NR2F1-AS1: variants seen among roughly 807,000 people sequenced by gnomAD.
NR2F1-AS1 encodes the protein NR2F1 antisense RNA 1.
chr5:93,580,723 ATAGAAAGGTTTTCT>A (rs914648291), exon 1 of NR2F1-AS1: 3 of 152,514 alleles, frequency 2.0e-5, no homozygotes, highest in African/African-American at 7.2e-5. Context: ...GAATCTGTAC[ATAGAAAGGTTTTCT>A]TTTCTTTCTT....
At chr5:93,499,257 T>G (rs1751026840) in intron 4 of NR2F1-AS1, among the ~76,000 whole-genome samples, 2 of 152,208 alleles carry the variant, frequency 1.3e-5, no homozygotes, top group African/African-American at 4.8e-5. Context: ...GTGACAGAAG[T>G]ACAGGCATAT....
chr5:93,483,287 C>T (rs1263339333), intron 4 of NR2F1-AS1, among the ~76,000 whole-genome samples: 1 of 152,210 alleles, frequency 6.6e-6, no homozygotes, highest in African/African-American at 2.4e-5. Flanking sequence ...GAAGCCTCTG[C>T]TGGTGATCCA....
chr5:93,519,685 C>T (rs1751465500), intron 4 of NR2F1-AS1, among the ~76,000 whole-genome samples: 1 of 151,968 alleles, frequency 6.6e-6, no homozygotes, highest in South Asian at 2.1e-4. Context: ...ATGTCTGCTG[C>T]TATTGCCCAG....
intron 4 of NR2F1-AS1, among the ~76,000 whole-genome samples, chr5:93,478,661 CA>C (rs1471377861): frequency 3.9e-5 from 6 of 152,148 alleles, no homozygotes; most frequent in Admixed American, 3.3e-4. Context: ...CTCAGCCTAC[CA>C]AAGTGCTGGA....
chr5:93,500,112 T>G (rs889225235), intron 4 of NR2F1-AS1, among the ~76,000 whole-genome samples: 1 of 152,224 alleles, frequency 6.6e-6, no homozygotes, highest in Non-Finnish European at 1.5e-5. Flanking sequence ...AAGATCTAGC[T>G]AAGATCACTG....
intron 4 of NR2F1-AS1, among the ~76,000 whole-genome samples, chr5:93,490,262 G>A (rs1436839400): frequency 1.3e-5 from 2 of 152,132 alleles, no homozygotes; most frequent in African/African-American, 2.4e-5. Context: ...TGTTTTTTGA[G>A]CTTTCCCTAA....
chr5:93,487,247 A>G (rs114535454), intron 4 of NR2F1-AS1, among the ~76,000 whole-genome samples: 3,279 of 152,148 alleles, frequency 0.022, 108 homozygotes, highest in African/African-American at 0.075. Context: ...TTCTGGCCGC[A>G]GCAATCAAGA....
At chr5:93,577,937 T>C (rs962661557) in intron 1 of NR2F1-AS1, among the ~76,000 whole-genome samples, 1 of 152,200 alleles carries the variant, frequency 6.6e-6, no homozygotes, top group Non-Finnish European at 1.5e-5. Context: ...TCTGATCATT[T>C]GTAGGGTCCC....
chr5:93,478,691 C>T (rs370207035), intron 4 of NR2F1-AS1, among the ~76,000 whole-genome samples: 6 of 152,236 alleles, frequency 3.9e-5, no homozygotes, highest in East Asian at 1.9e-4. Context: ...TGTGAGCCAC[C>T]GCGCCCAGCC....
At chr5:93,533,738 G>C (rs1348349779) in intron 4 of NR2F1-AS1, among the ~76,000 whole-genome samples, 2 of 152,160 alleles carry the variant, frequency 1.3e-5, no homozygotes, top group African/African-American at 2.4e-5. Context: ...TTTTACAGAA[G>C]AGGAAGGTAA....
upstream of NR2F1-AS1, among the ~76,000 whole-genome samples, chr5:93,581,756 CT>C (rs1753065341): frequency 1.5e-4 from 7 of 46,338 alleles, no homozygotes; most frequent in African/African-American, 5.0e-4. Flanking sequence ...CTCCCTCTCC[CT>C]CTCCTCTCTC....
At chr5:93,546,426 T>C (rs1015156689) in intron 4 of NR2F1-AS1, among the ~76,000 whole-genome samples, 1 of 152,198 alleles carries the variant, frequency 6.6e-6, no homozygotes, top group Non-Finnish European at 1.5e-5. Context: ...ATTGCAATTA[T>C]CATAAGATTT....
At chr5:93,522,323 T>C (rs1751518697) in intron 4 of NR2F1-AS1, among the ~76,000 whole-genome samples, 1 of 152,166 alleles carries the variant, frequency 6.6e-6, no homozygotes, top group South Asian at 2.1e-4. Context: ...TTCACCTATG[T>C]AACAAACCTT....
chr5:93,441,509 C>A (rs973679928), intron 4 of NR2F1-AS1, among the ~76,000 whole-genome samples: 1 of 152,188 alleles, frequency 6.6e-6, no homozygotes, highest in Non-Finnish European at 1.5e-5. Context: ...GGTCATTAGT[C>A]GGTTGCCCCC....
intron 4 of NR2F1-AS1, among the ~76,000 whole-genome samples, chr5:93,457,186 G>A (rs1219278870): frequency 1.3e-5 from 2 of 152,130 alleles, no homozygotes; most frequent in African/African-American, 4.8e-5. Flanking sequence ...GAACGGTCAG[G>A]TCTTTCCCTT....
At chr5:93,583,936 C>G (rs1465402748), upstream of NR2F1-AS1, 1 of 152,374 alleles carries the variant, frequency 6.6e-6, no homozygotes, top group Non-Finnish European at 1.5e-5. Context: ...GCAGCGAGAG[C>G]CCGGCGCCAC....
rs571331583 is a variant in NR2F1-AS1 at position 93,475,060 on chromosome 5, C to T, written n.638+78701G>A. Among the ~76,000 whole-genome samples, 5 of 150,008 alleles carry T rather than the reference C, an allele frequency of 3.3e-5. 1 individual carries two copies. The South Asian group carries it at 1.0e-3, about 31-fold the overall frequency. The stretch of plus-strand genomic sequence containing the variant: ...AATGGCGTGAACCTGGGAGGCGGAG[C>T]TTGCAGTGAGCCGAGATTGTGCCAC... On this transcript the variant is annotated intron_variant and non_coding_transcript_variant, in intron 4 of 5. Transcript: ENST00000660523.
intron 4 of NR2F1-AS1, among the ~76,000 whole-genome samples, chr5:93,530,006 A>G (rs908016769): frequency 2.0e-5 from 3 of 151,936 alleles, no homozygotes; most frequent in Non-Finnish European, 2.9e-5. Flanking sequence ...GACAGACTCA[A>G]GCTCAGATTT....
intron 4 of NR2F1-AS1, among the ~76,000 whole-genome samples, chr5:93,513,495 A>G (rs2149891959): frequency 6.6e-6 from 1 of 152,250 alleles, no homozygotes; most frequent in Admixed American, 6.5e-5. Context: ...AAAAAAGAAG[A>G]AAATCAAATC....
Sources: allele counts gnomAD v4.1 joint callset (sites outside exome capture counted in the v4.1 genomes callset), GRCh38; gene constraint gnomAD v4.1.1; transcripts MANE v1.5; gene names NCBI Gene and HGNC (gene_info 2026-07-23, HGNC 2026-07-21).